SPAG16: variants seen among roughly 807,000 people sequenced by gnomAD.
The protein encoded by SPAG16 is sperm-associated antigen 16 protein.
SPAG16 carries 86 observed loss-of-function variants against 80.4 expected under a neutral mutation model. The observed-to-expected ratio is 1.07, with a 90% CI of 0.90 to 1.28. The LOEUF (loss-of-function observed/expected upper bound fraction) is 1.28. SPAG16 is among the 50% of genes most tolerant of loss of function. SPAG16 has a pLI of 0.00. For missense variants in SPAG16, 870 were observed against 765.3 expected (o/e 1.14, Z -1.61); for synonymous variants, 294 against 265.9 (o/e 1.11, Z -1.03).
At chr2:214,022,838 G>T (rs2047945920) in intron 13 of SPAG16, among the ~76,000 whole-genome samples, 1 of 151,914 alleles carries the variant, frequency 6.6e-6, no homozygotes, top group South Asian at 2.1e-4. Flanking sequence ...TTAACACCAA[G>T]CCATAGTACA....
chr2:213,423,919 A>G (rs1235727496), intron 9 of SPAG16, among the ~76,000 whole-genome samples: 1 of 152,182 alleles, frequency 6.6e-6, no homozygotes, highest in Non-Finnish European at 1.5e-5. Flanking sequence ...AACTAGTATT[A>G]TCAGAGATAT....
chr2:213,396,602 G>C (rs1218862940), intron 9 of SPAG16: 1 of 455,130 alleles, frequency 2.2e-6, no homozygotes, highest in East Asian at 7.0e-5. Context: ...AGTGGACAGG[G>C]AACTCTCAAA....
chr2:213,990,174 C>A (rs1055532921), intron 12 of SPAG16, among the ~76,000 whole-genome samples: 4 of 151,962 alleles, frequency 2.6e-5, no homozygotes, highest in African/African-American at 9.7e-5. Flanking sequence ...TTACAAATGG[C>A]AGATTATATA....
chr2:213,537,190 T>A (rs1310392042), intron 10 of SPAG16, among the ~76,000 whole-genome samples: 3 of 149,408 alleles, frequency 2.0e-5, no homozygotes, highest in Non-Finnish European at 3.0e-5. Context: ...GAGGGATAGC[T>A]TTAGGAGATA....
In SPAG16 at chr2:214,108,187, T is replaced by G; in HGVS notation, c.1528-9T>G. The stretch of plus-strand genomic sequence containing the variant: ...TTTATTTGACTCTGTTTCTGCTTTG[T>G]CTTCCTAGGGTATATGTGAGCAGTC... On this transcript the variant is annotated splice_polypyrimidine_tract_variant and intron_variant, in intron 13 of 15. Coordinates refer to ENST00000331683, the MANE Select transcript of SPAG16 (RefSeq NM_024532.5). 1 of 1,534,542 alleles carries G rather than the reference T, an allele frequency of 6.5e-7. No individual in the cohort carries two copies. Among genetic ancestry groups the G allele is most frequent in the Non-Finnish European group, 8.9e-7 (1 of 1,129,638 alleles).
chr2:213,395,840 T>C (rs1294253582), intron 9 of SPAG16, among the ~76,000 whole-genome samples: 1 of 152,230 alleles, frequency 6.6e-6, no homozygotes, highest in East Asian at 1.9e-4. Flanking sequence ...TGCTTTACAA[T>C]TTTAAATATT....
chr2:214,035,071 CCA>C (rs1301543270), intron 13 of SPAG16, among the ~76,000 whole-genome samples: 1 of 152,088 alleles, frequency 6.6e-6, no homozygotes, highest in Non-Finnish European at 1.5e-5. Flanking sequence ...TAGCTACTCT[CCA>C]CAGCTAGGGT....
At chr2:213,860,819 A>G (rs2075423269) in intron 10 of SPAG16, among the ~76,000 whole-genome samples, 2 of 152,310 alleles carry the variant, frequency 1.3e-5, no homozygotes, top group South Asian at 4.1e-4. Flanking sequence ...AGGGTAATTT[A>G]TCATCTGGTC....
intron 15 of SPAG16, among the ~76,000 whole-genome samples, chr2:214,379,019 C>A (rs10804226): frequency 6.6e-6 from 1 of 152,068 alleles, no homozygotes; most frequent in Non-Finnish European, 1.5e-5. Context: ...GCTCATCATA[C>A]CACCGTCTGG....
At chr2:213,349,679 G>A (rs912546182) in intron 6 of SPAG16, among the ~76,000 whole-genome samples, 3 of 152,070 alleles carry the variant, frequency 2.0e-5, no homozygotes, top group South Asian at 2.1e-4. Context: ...TAACCACATT[G>A]TGGAATATAC....
rs751245282 is a variant in SPAG16 at position 214,013,983 on chromosome 2, C to G, written c.1433C>G (p.Thr478Arg). 1 of 1,613,374 alleles carries G rather than the reference C, an allele frequency of 6.2e-7. No homozygotes were observed. Among genetic ancestry groups the G allele is most frequent in the Non-Finnish European group, 8.5e-7 (1 of 1,179,726 alleles). Residue 478 changes from threonine (T) to arginine (R), a missense_variant, in exon 13 of 16, where the codon ACA (threonine) becomes AGA (arginine). Thr to Arg is a moderately conservative substitution (Grantham distance 71). Coordinates refer to ENST00000331683, the MANE Select transcript of SPAG16 (RefSeq NM_024532.5). Reference protein sequence around the residue: ...ERCRCTLYGHTDSVNSIEFFP... With the variant: ...ERCRCTLYGHRDSVNSIEFFP... ...TGCAGATGTACTTTGTATGGACATA[C>G]AGATTCTGTGAACAGCATTGAGTTT...
chr2:213,893,421 C>T (rs1334907284), intron 11 of SPAG16, among the ~76,000 whole-genome samples: 1 of 152,150 alleles, frequency 6.6e-6, no homozygotes, highest in Non-Finnish European at 1.5e-5. Flanking sequence ...ACCCAGAATA[C>T]TGTAATGCCG....
At chr2:214,156,445 C>A (rs571232542) in intron 15 of SPAG16, among the ~76,000 whole-genome samples, 2 of 152,182 alleles carry the variant, frequency 1.3e-5, no homozygotes, top group East Asian at 3.9e-4. Flanking sequence ...AAGGCCTGGT[C>A]TGCTTAAAAA....
chr2:213,668,968 C>A (rs539922733), intron 10 of SPAG16, among the ~76,000 whole-genome samples: 1 of 152,228 alleles, frequency 6.6e-6, no homozygotes, highest in Admixed American at 6.5e-5. Context: ...AATAGTATTT[C>A]TAAGAAGTCT....
At chr2:213,502,191 A>T (rs765462904) in intron 10 of SPAG16, among the ~76,000 whole-genome samples, 1 of 152,170 alleles carries the variant, frequency 6.6e-6, no homozygotes, top group Non-Finnish European at 1.5e-5. Context: ...AGTGGCATGA[A>T]GAGGGCTCAG....
chr2:213,386,102 C>G (rs2125265729), intron 9 of SPAG16, among the ~76,000 whole-genome samples: 1 of 152,200 alleles, frequency 6.6e-6, no homozygotes, highest in East Asian at 1.9e-4. Flanking sequence ...CTAATAGTAT[C>G]TACATTTTAC....
chr2:213,310,319 AACACACACACACACACACACACACAC>A (rs59407158), intron 4 of SPAG16, 142 bp downstream of exon 4: 155 of 347,666 alleles, frequency 4.5e-4, no homozygotes, highest in African/African-American at 2.3e-3. Context: ...CTGAAACCAC[AACACACACACACACACACACACACAC>A]ACACACACAC....
At position 213,643,538 on chromosome 2, in the gene SPAG16, A is replaced by T. The variant is rs986588465; in HGVS notation, c.1070+153448A>T. 5.4e-5 allele frequency among the ~76,000 whole-genome samples: 8 copies of T among 148,740 alleles called. 1 individual carries two copies. In the South Asian group the frequency reaches 1.7e-3, roughly 31 times the overall value. On this transcript the variant is annotated intron_variant, in intron 10 of 15. Coordinates refer to ENST00000331683, the MANE Select transcript of SPAG16 (RefSeq NM_024532.5). ...TTCTACAACCTTCTTGTACTTGGAT[A>T]TCGGTATTTTTCTCTATGTATAGAA...
intron 10 of SPAG16, among the ~76,000 whole-genome samples, chr2:213,641,436 T>C (rs990305476): frequency 6.6e-6 from 1 of 152,176 alleles, no homozygotes; most frequent in Non-Finnish European, 1.5e-5. Flanking sequence ...GCACTTTGCA[T>C]TTGCTCCCCA....
Sources: allele counts gnomAD v4.1 joint callset (sites outside exome capture counted in the v4.1 genomes callset), GRCh38; gene constraint gnomAD v4.1.1; transcripts MANE v1.5; gene names NCBI Gene and HGNC (gene_info 2026-07-23, HGNC 2026-07-21).